SH3GLB1: variants seen among roughly 807,000 people sequenced by gnomAD.
The protein encoded by SH3GLB1 is SH3 domain containing GRB2 like, endophilin B1.
A neutral mutation model predicts 42.0 loss-of-function variants in SH3GLB1; 17 were observed. The observed-to-expected ratio is 0.40, with a 90% CI of 0.28 to 0.61. SH3GLB1 has a LOEUF of 0.61. SH3GLB1 is among the 20% of genes least tolerant of loss of function. The pLI is 0.36. For missense variants in SH3GLB1, 355 were observed against 426.3 expected (o/e 0.83, Z 1.47); for synonymous variants, 132 against 146.6 (o/e 0.90, Z 0.72).
chr1:86,709,915 C>T (rs1654099834), intron 1 of SH3GLB1, among the ~76,000 whole-genome samples: 1 of 152,190 alleles, frequency 6.6e-6, no homozygotes, highest in Non-Finnish European at 1.5e-5. Flanking sequence ...TAGCTCCTGT[C>T]AGACCCTCCC....
chr1:86,717,770 A>C (rs992814544), intron 2 of SH3GLB1, among the ~76,000 whole-genome samples: 3 of 151,866 alleles, frequency 2.0e-5, no homozygotes, highest in Admixed American at 2.0e-4. Flanking sequence ...CAAACCTAAC[A>C]CTCCTTTTCT....
At chr1:86,732,593 T>TC (rs988674941) in intron 5 of SH3GLB1, among the ~76,000 whole-genome samples, 3 of 152,200 alleles carry the variant, frequency 2.0e-5, no homozygotes, top group African/African-American at 7.2e-5. Context: ...GATGCATTTT[T>TC]CCCTATCATC....
intron 3 of SH3GLB1, 83 bp downstream of exon 3, chr1:86,719,718 G>A (rs1022472863): frequency 9.9e-6 from 14 of 1,410,162 alleles, no homozygotes; most frequent in East Asian, 2.6e-5. Flanking sequence ...TTAGTAGGCC[G>A]GGTGCAGTGG....
At chr1:86,708,738 A>C (rs1654018960) in intron 1 of SH3GLB1, among the ~76,000 whole-genome samples, 2 of 152,190 alleles carry the variant, frequency 1.3e-5, no homozygotes, top group South Asian at 4.1e-4. Flanking sequence ...TAGAGTTTTA[A>C]ATGCCATTTA....
At chr1:86,709,057 G>C (rs1223600380) in intron 1 of SH3GLB1, among the ~76,000 whole-genome samples, 2 of 152,152 alleles carry the variant, frequency 1.3e-5, no homozygotes, top group African/African-American at 4.8e-5. Context: ...CATCTCAGCT[G>C]ATAAGGCTTC....
At chr1:86,729,003 G>A (rs923808583) in intron 5 of SH3GLB1, among the ~76,000 whole-genome samples, 3 of 152,134 alleles carry the variant, frequency 2.0e-5, no homozygotes, top group African/African-American at 7.2e-5. Flanking sequence ...ACTCACTTAA[G>A]AAAGTTTTGG....
intron 1 of SH3GLB1, among the ~76,000 whole-genome samples, chr1:86,710,994 A>G (rs1558293394): frequency 6.6e-6 from 1 of 152,212 alleles, no homozygotes; most frequent in Non-Finnish European, 1.5e-5. Context: ...TAGGGGTTGG[A>G]TCAGACCAGA....
At chr1:86,716,991 C>T (rs964189121) in intron 2 of SH3GLB1, among the ~76,000 whole-genome samples, 1 of 152,138 alleles carries the variant, frequency 6.6e-6, no homozygotes, top group African/African-American at 2.4e-5. Flanking sequence ...TTTAAATACA[C>T]CTTTTGGTTG....
chr1:86,709,201 A>G (rs1654048542), intron 1 of SH3GLB1, among the ~76,000 whole-genome samples: 1 of 152,170 alleles, frequency 6.6e-6, no homozygotes, highest in African/African-American at 2.4e-5. Context: ...ACTTTCTTTA[A>G]TAAGTTTGTA....
intron 1 of SH3GLB1, among the ~76,000 whole-genome samples, chr1:86,711,877 A>G (rs1188220881): frequency 1.3e-5 from 2 of 152,128 alleles, no homozygotes; most frequent in Non-Finnish European, 2.9e-5. Flanking sequence ...GATGCTGATC[A>G]TCTTGCTGTA....
At chr1:86,742,498 A>G in intron 8 of SH3GLB1, 62 bp downstream of exon 8, 1 of 1,227,722 alleles carries the variant, frequency 8.1e-7, no homozygotes, top group Non-Finnish European at 1.2e-6. Flanking sequence ...CTAATATTAT[A>G]ACAAAATGCA....
intron 1 of SH3GLB1, among the ~76,000 whole-genome samples, chr1:86,714,332 G>C (rs963527843): frequency 6.6e-6 from 1 of 152,138 alleles, no homozygotes; most frequent in Non-Finnish European, 1.5e-5. Flanking sequence ...TTGGGATCAG[G>C]GTTTGCTTTT....
At chr1:86,734,715 T>G (rs578235562) in intron 6 of SH3GLB1, 24 bp downstream of exon 6, 4 of 1,585,280 alleles carry the variant, frequency 2.5e-6, no homozygotes, top group African/African-American at 1.3e-5. Context: ...CATTGGAAAT[T>G]CATTTGGAAC....
chr1:86,736,687 C>T (rs557166341), intron 7 of SH3GLB1, among the ~76,000 whole-genome samples: 12 of 152,246 alleles, frequency 7.9e-5, no homozygotes, highest in South Asian at 6.2e-4. Flanking sequence ...CCAGTTGTTG[C>T]GTTATTACTG....
Position 86,722,693 on chromosome 1 carries a change from CTTTA to C in SH3GLB1, c.477+25_477+28del, listed in dbSNP as rs747524387. 29 of 1,569,772 alleles carry C rather than the reference CTTTA, an allele frequency of 1.8e-5. No individual in the cohort carries two copies. In the Admixed American group the frequency reaches 2.1e-4, roughly 12 times the overall value. On this transcript the variant is annotated intron_variant, in intron 4 of 8. Coordinates refer to ENST00000370558, the MANE Select transcript of SH3GLB1 (RefSeq NM_016009.5). ...ATTGCTGTGAGTTGAAAAATGTCCC[CTTTA>C]TTTAGTAAAATCATTTAGATATATA...
rs1656278481 is a variant in SH3GLB1, at chr1:86,745,931, T to C, written c.*2696T>C. 6.6e-6 allele frequency: 1 copy of C among 152,654 alleles called. No homozygotes were observed. The highest frequency in any genetic ancestry group is 2.1e-4 in the South Asian group (1 of 4,832). The allele number at this position is 152,654 out of a possible 1,614,324, so 9.5% of individuals were successfully genotyped here. ...TATGAATGAAAAACTAAAATAATTG[T>C]AGGCTCTTCTATAAATGAAAAAAAA... is the stretch of plus-strand genomic sequence containing the variant. On this transcript the variant is annotated 3_prime_UTR_variant, in exon 9 of 9. Transcript: ENST00000370558.
chr1:86,705,856 C>T (rs975193308), intron 1 of SH3GLB1, among the ~76,000 whole-genome samples: 2 of 152,190 alleles, frequency 1.3e-5, no homozygotes, highest in African/African-American at 4.8e-5. Context: ...ACGGTAGCAA[C>T]AACATTCTCT....
chr1:86,725,830 GT>G (rs898815085), intron 5 of SH3GLB1, among the ~76,000 whole-genome samples: 45 of 151,988 alleles, frequency 3.0e-4, no homozygotes, highest in African/African-American at 2.4e-5. Flanking sequence ...TTTGTCTATG[GT>G]TTTTTTCTTT....
chr1:86,733,476 GA>G (rs1655619774), intron 5 of SH3GLB1, among the ~76,000 whole-genome samples: 1 of 152,088 alleles, frequency 6.6e-6, no homozygotes, highest in Non-Finnish European at 1.5e-5. Context: ...GAAATGTCAT[GA>G]ATCATTTGCA....
Sources: allele counts gnomAD v4.1 joint callset (sites outside exome capture counted in the v4.1 genomes callset), GRCh38; gene constraint gnomAD v4.1.1; transcripts MANE v1.5; gene names NCBI Gene and HGNC (gene_info 2026-07-23, HGNC 2026-07-21).